MLLT3: variants seen among roughly 807,000 people sequenced by gnomAD.
The protein encoded by MLLT3 is MLLT3 super elongation complex subunit, also known as protein AF-9.
A neutral mutation model predicts 53.2 loss-of-function variants in MLLT3; 4 were observed. The observed-to-expected ratio is 0.08, with a 90% CI of 0.04 to 0.17. The LOEUF (loss-of-function observed/expected upper bound fraction) is 0.17. Among genes scored for constraint, MLLT3 ranks in the 10% least tolerant of loss-of-function variants. The probability of loss-of-function intolerance (pLI) is 1.00; values close to 1 mark genes in which losing one functional copy is unlikely to be tolerated. For synonymous variants in MLLT3, 283 were observed against 230.6 expected (o/e 1.23, Z -2.06); for missense variants, 569 against 684.0 (o/e 0.83, Z 1.87).
chr9:20,579,916 T>C (rs1207519770), intron 2 of MLLT3, among the ~76,000 whole-genome samples: 1 of 152,154 alleles, frequency 6.6e-6, no homozygotes, highest in Non-Finnish European at 1.5e-5. Context: ...ATTCAGACCC[T>C]AAAGTAGACC....
At chr9:20,549,988 T>C (rs778169031) in intron 2 of MLLT3, among the ~76,000 whole-genome samples, 2 of 152,218 alleles carry the variant, frequency 1.3e-5, no homozygotes, top group African/African-American at 2.4e-5. Flanking sequence ...AACAGAAATC[T>C]TGTGGCTCAT....
intron 2 of MLLT3, among the ~76,000 whole-genome samples, chr9:20,554,020 T>C (rs143975155): frequency 5.4e-4 from 82 of 152,300 alleles, no homozygotes; most frequent in African/African-American, 1.9e-3. Flanking sequence ...TTTCATACCC[T>C]TGATAATGAC....
intron 2 of MLLT3, among the ~76,000 whole-genome samples, chr9:20,475,848 T>C (rs1303792907): frequency 6.6e-6 from 1 of 152,132 alleles, no homozygotes; most frequent in African/African-American, 2.4e-5. Context: ...TTCAATAGGT[T>C]GAAGGGAGAA....
chr9:20,528,056 T>C (rs1254405797), intron 2 of MLLT3, among the ~76,000 whole-genome samples: 2 of 152,230 alleles, frequency 1.3e-5, no homozygotes, highest in Non-Finnish European at 2.9e-5. Context: ...AGAAACAATC[T>C]TCAACAAAAT....
At chr9:20,505,360 G>A (rs1292294371) in intron 2 of MLLT3, among the ~76,000 whole-genome samples, 1 of 152,142 alleles carries the variant, frequency 6.6e-6, no homozygotes, top group Non-Finnish European at 1.5e-5. Flanking sequence ...TTTCATCATG[G>A]TGATCACCTT....
chr9:20,456,068 A>G (rs922564422), intron 3 of MLLT3, among the ~76,000 whole-genome samples: 2 of 150,678 alleles, frequency 1.3e-5, no homozygotes, highest in Non-Finnish European at 2.9e-5. Context: ...CCTCCTATGT[A>G]GCTGTAATTA....
At chr9:20,547,609 A>G (rs1397890554) in intron 2 of MLLT3, among the ~76,000 whole-genome samples, 1 of 141,984 alleles carries the variant, frequency 7.0e-6, no homozygotes, top group African/African-American at 2.6e-5. Context: ...GCACCATTGC[A>G]CTCCAGCCTG....
chr9:20,466,198 A>G (rs1824234369), intron 2 of MLLT3, among the ~76,000 whole-genome samples: 1 of 152,130 alleles, frequency 6.6e-6, no homozygotes, highest in African/African-American at 2.4e-5. Flanking sequence ...ATTTGCCTAT[A>G]CTTAAGGTTC....
At chr9:20,618,119 T>C in intron 2 of MLLT3, among the ~76,000 whole-genome samples, 1 of 152,202 alleles carries the variant, frequency 6.6e-6, no homozygotes, top group East Asian at 1.9e-4. Context: ...ACAGCTTATT[T>C]ATTATAGAAT....
At chr9:20,544,395 C>CAAATCATCT (rs1818729237) in intron 2 of MLLT3, among the ~76,000 whole-genome samples, 1 of 151,956 alleles carries the variant, frequency 6.6e-6, no homozygotes, top group Non-Finnish European at 1.5e-5. Flanking sequence ...TAAATATTTC[C>CAAATCATCT]AAATCATCTA....
chr9:20,520,856 T>C (rs928518200), intron 2 of MLLT3, among the ~76,000 whole-genome samples: 4 of 152,110 alleles, frequency 2.6e-5, no homozygotes, highest in African/African-American at 9.7e-5. Flanking sequence ...TGGCCACGGC[T>C]GCAGAAAAAG....
intron 2 of MLLT3, among the ~76,000 whole-genome samples, chr9:20,587,118 GA>G (rs1420205381): frequency 7.0e-6 from 1 of 143,830 alleles, no homozygotes. Flanking sequence ...ATTTCCCTTA[GA>G]TTTTTTTAAA....
At chr9:20,597,709 T>C (rs1820312754) in intron 2 of MLLT3, among the ~76,000 whole-genome samples, 2 of 152,322 alleles carry the variant, frequency 1.3e-5, no homozygotes, top group Admixed American at 1.3e-4. Flanking sequence ...TTGTTTTTTC[T>C]TTCTGTGAAG....
chr9:20,493,668 G>T (rs1825008640), intron 2 of MLLT3, among the ~76,000 whole-genome samples: 2 of 151,830 alleles, frequency 1.3e-5, no homozygotes, highest in South Asian at 4.1e-4. Flanking sequence ...AATATAATGA[G>T]ACATCAAAAA....
intron 4 of MLLT3, among the ~76,000 whole-genome samples, chr9:20,438,858 T>A (rs934465335): frequency 1.3e-5 from 2 of 152,170 alleles, no homozygotes; most frequent in Admixed American, 1.3e-4. Flanking sequence ...TAAATTTTTA[T>A]TTTACTTCAT....
chr9:20,386,886 A>G (rs1822050314), intron 5 of MLLT3, among the ~76,000 whole-genome samples: 1 of 152,194 alleles, frequency 6.6e-6, no homozygotes, highest in Non-Finnish European at 1.5e-5. Flanking sequence ...CTGCTCTCCA[A>G]TATAGAAATT....
chr9:20,349,203 ACAT>A, intron 10 of MLLT3, among the ~76,000 whole-genome samples: 1 of 152,316 alleles, frequency 6.6e-6, no homozygotes, highest in East Asian at 1.9e-4. Context: ...ATTAGACAGA[ACAT>A]CATAACCTTT....
chr9:20,413,746 T>A lies in MLLT3; in HGVS notation c.1100A>T (p.Glu367Val), dbSNP rs1351089027. 3.1e-6 allele frequency: 5 copies of A among 1,609,088 alleles called. No individual in the cohort carries two copies. The highest frequency in any genetic ancestry group is 4.2e-6 in the Non-Finnish European group (5 of 1,178,108). ...ATCAGATTTAGAGGATATATTCTCC[T>A]CCACATCTGAATCATTGGGATCCAC... ...DIVDPNDSDV[E>V]ENISSKSDSE... is the part of the protein sequence containing the mutation. Residue 367 changes from glutamate to valine, a missense_variant, in exon 5 of 11, where the codon GAG becomes GTG. By Grantham distance (121) the Glu-to-Val change is moderately radical (BLOSUM62 -2). Transcript: ENST00000380338.
At chr9:20,405,258 T>C (rs2118755259) in intron 5 of MLLT3, among the ~76,000 whole-genome samples, 1 of 152,334 alleles carries the variant, frequency 6.6e-6, no homozygotes, top group East Asian at 1.9e-4. Flanking sequence ...TTAGAAATCA[T>C]GCCAGAGTCC....
Sources: gnomAD v4.1 joint callset for allele counts (sites outside exome capture counted in the v4.1 genomes callset) on GRCh38, gnomAD v4.1.1 for gene constraint, MANE v1.5 for transcripts, NCBI Gene and HGNC (gene_info 2026-07-23, HGNC 2026-07-21) for gene names.